ANK2: variants seen among roughly 807,000 people sequenced by gnomAD.
ANK2 encodes the protein ankyrin-2.
Under a neutral mutation model 360.5 loss-of-function variants are expected in ANK2, and 83 were observed. The observed-to-expected ratio is 0.23, with a 90% CI of 0.19 to 0.28. The LOEUF is 0.28. ANK2 is among the 10% of genes least tolerant of loss of function. The pLI is 1.00. For missense variants in ANK2, 4,201 were observed against 4,795.7 expected (o/e 0.88, Z 3.66); for synonymous variants, 1,740 against 1,759.5 (o/e 0.99, Z 0.28).
intron 2 of ANK2, among the ~76,000 whole-genome samples, chr4:112,960,552 A>T (rs1003836559): frequency 6.6e-6 from 1 of 152,172 alleles, no homozygotes; most frequent in Non-Finnish European, 1.5e-5. Context: ...CTTATTTTAA[A>T]ATAAACTATT....
chr4:112,733,380 T>G, the ANK2 span, among the ~76,000 whole-genome samples: 1 of 152,184 alleles, frequency 6.6e-6, no homozygotes, highest in Non-Finnish European at 1.5e-5. Flanking sequence ...CAATTCTGCT[T>G]CTTTGTCCTG....
the ANK2 span, among the ~76,000 whole-genome samples, chr4:112,751,582 A>C: frequency 6.6e-6 from 1 of 151,512 alleles, no homozygotes; most frequent in Non-Finnish European, 1.5e-5. Context: ...ATTAGGCCCT[A>C]AAGGATGAGA....
At chr4:113,256,382 A>G (rs1482026938) in intron 11 of ANK2, among the ~76,000 whole-genome samples, 2 of 152,256 alleles carry the variant, frequency 1.3e-5, no homozygotes, top group African/African-American at 4.8e-5. Context: ...ATGTAAGTCT[A>G]TGCAGAGTTC....
At chr4:112,824,131 T>C in intron 1 of ANK2, among the ~76,000 whole-genome samples, 1 of 144,686 alleles carries the variant, frequency 6.9e-6, no homozygotes, top group African/African-American at 2.6e-5. Context: ...GTTGTAGGTC[T>C]TCAGCATCTA....
chr4:113,192,802 C>A (rs2098689400), intron 2 of ANK2, among the ~76,000 whole-genome samples: 1 of 151,830 alleles, frequency 6.6e-6, no homozygotes. Context: ...GCACTCATAA[C>A]CTCTTCATTT....
intron 4 of ANK2, among the ~76,000 whole-genome samples, chr4:113,228,142 C>T (rs2153518978): frequency 6.6e-6 from 1 of 152,276 alleles, no homozygotes; most frequent in South Asian, 2.1e-4. Flanking sequence ...TTACTCTTCT[C>T]CCCATATTCT....
Position 113,354,648 on chromosome 4 carries a change from CTT to C in ANK2, c.6032_6033del (p.Phe2011Ter). 6.2e-7 allele frequency: 1 copy of C among 1,614,094 alleles called. No homozygotes were observed. The highest frequency in any genetic ancestry group is 8.5e-7 in the Non-Finnish European group (1 of 1,180,012). ...ACCCTTCTAAACATAAAACTGGACT[CTT>C]TGAGCACAAATCAGCAAAACAAAAG... The part of the protein sequence containing the change: ...QDPSKHKTGL[F>X]EHKSAKQKQP... On this transcript the variant is annotated frameshift_variant, in exon 38 of 46. Coordinates refer to ENST00000357077, the MANE Select transcript of ANK2 (RefSeq NM_001148.6). LOFTEE classifies it high-confidence loss of function.
chr4:113,220,085 C>T (rs955720397), intron 4 of ANK2, among the ~76,000 whole-genome samples: 3 of 152,108 alleles, frequency 2.0e-5, no homozygotes, highest in Non-Finnish European at 2.9e-5. Context: ...CCAGTTTATC[C>T]TCACCTGGCT....
chr4:113,036,251 T>TAAAAAAAA (rs5861121), intron 2 of ANK2, among the ~76,000 whole-genome samples: 1 of 141,562 alleles, frequency 7.1e-6, no homozygotes, highest in Non-Finnish European at 1.6e-5. Context: ...CTTTTAGTAG[T>TAAAAAAAA]AAAAAAAAAA....
chr4:113,359,532 AAC>A (rs2096064260), intron 38 of ANK2, among the ~76,000 whole-genome samples: 3 of 152,176 alleles, frequency 2.0e-5, no homozygotes, highest in Admixed American at 1.3e-4. Flanking sequence ...TAAACATAAT[AAC>A]CGGGCAACAG....
chr4:113,247,957 C>A (rs1389971548), intron 9 of ANK2, among the ~76,000 whole-genome samples: 1 of 152,212 alleles, frequency 6.6e-6, no homozygotes, highest in African/African-American at 2.4e-5. Flanking sequence ...AAAGTGTAAT[C>A]ATTGTCATCA....
intron 1 of ANK2, among the ~76,000 whole-genome samples, chr4:113,060,275 T>A (rs1481484802): frequency 6.6e-6 from 1 of 152,272 alleles, no homozygotes; most frequent in African/African-American, 2.4e-5. Flanking sequence ...CCCATTGGAA[T>A]TGCATTTTTC....
At chr4:113,216,136 T>G (rs2099082831) in intron 4 of ANK2, among the ~76,000 whole-genome samples, 1 of 152,232 alleles carries the variant, frequency 6.6e-6, no homozygotes. Context: ...CTGGCATAAC[T>G]ATTTCATCAC....
At chr4:113,279,681 A>C (rs1487694486) in intron 17 of ANK2, among the ~76,000 whole-genome samples, 1 of 148,430 alleles carries the variant, frequency 6.7e-6, no homozygotes, top group Non-Finnish European at 1.5e-5. Flanking sequence ...GTTCTGTATA[A>C]TATATATTTT....
At chr4:112,884,750 A>G (rs1173539984) in intron 1 of ANK2, among the ~76,000 whole-genome samples, 2 of 152,160 alleles carry the variant, frequency 1.3e-5, no homozygotes, top group African/African-American at 4.8e-5. Flanking sequence ...TGCTGGGAAC[A>G]CTTTCTGTTC....
rs566057951 is a variant in ANK2 at position 113,375,993 on chromosome 4, T to A, written c.11859+2544T>A. Among the ~76,000 whole-genome samples, 3 of 152,324 alleles carry A rather than the reference T, an allele frequency of 2.0e-5. No homozygotes were observed. The South Asian group carries it at 6.2e-4, about 32-fold the overall frequency. The stretch of plus-strand genomic sequence containing the variant: ...TAGTATTATATAGTACAGTCATGCA[T>A]TGCTTAACCCACTTATGCCAGAGGT... On this transcript the variant is annotated intron_variant, in intron 45 of 45. Coordinates refer to ENST00000357077, the MANE Select transcript of ANK2 (RefSeq NM_001148.6).
chr4:113,256,061 C>G (rs2049142845), intron 11 of ANK2, 129 bp downstream of exon 11: 1 of 1,124,920 alleles, frequency 8.9e-7, no homozygotes, highest in Non-Finnish European at 1.3e-6. Flanking sequence ...AATTTGTCAT[C>G]CTTCACAATC....
chr4:113,010,135 T>C (rs2054249082), intron 2 of ANK2, among the ~76,000 whole-genome samples: 1 of 152,168 alleles, frequency 6.6e-6, no homozygotes, highest in Non-Finnish European at 1.5e-5. Flanking sequence ...GGAACTGTAT[T>C]GTGTGATTCT....
chr4:112,906,289 C>T (rs2085178249), intron 2 of ANK2, among the ~76,000 whole-genome samples: 1 of 152,148 alleles, frequency 6.6e-6, no homozygotes, highest in Admixed American at 6.5e-5. Context: ...GTAACTTTGG[C>T]AAGGGAAGTT....
Sources: allele counts gnomAD v4.1 joint callset (sites outside exome capture counted in the v4.1 genomes callset), GRCh38; gene constraint gnomAD v4.1.1; transcripts MANE v1.5; gene names NCBI Gene and HGNC (gene_info 2026-07-23, HGNC 2026-07-21).